PCNX1: variants seen among roughly 807,000 people sequenced by gnomAD.
PCNX1 encodes pecanex 1.
A neutral mutation model predicts 242.2 loss-of-function variants in PCNX1; 78 were observed. That is an observed-to-expected ratio of 0.32 (90% CI 0.27 to 0.39). The LOEUF is 0.39. Among genes scored for constraint, PCNX1 ranks in the 10% least tolerant of loss-of-function variants. The pLI, the probability that PCNX1 is intolerant of heterozygous loss-of-function variation, is 1.00. For missense variants in PCNX1, 2,581 were observed against 2,856.5 expected (o/e 0.90, Z 2.20); for synonymous variants, 1,024 against 1,032.9 (o/e 0.99, Z 0.17).
At chr14:70,910,940 C>G (rs1297514672) in intron 1 of PCNX1, among the ~76,000 whole-genome samples, 3 of 152,134 alleles carry the variant, frequency 2.0e-5, no homozygotes, top group Non-Finnish European at 4.4e-5. Context: ...GGACCCTGAT[C>G]TTATAGTCAG....
At position 71,103,916 on chromosome 14, in the gene PCNX1, C is replaced by G. The variant is rs186220019; in HGVS notation, c.6095+247C>G. ...ACTTGGTAGAATCTTGGAAAATTCC[C>G]TTTATTTGTTTAATTTTTTTAACTT... On this transcript the variant is annotated intron_variant, in intron 32 of 35. Transcript: ENST00000304743. Among the ~76,000 whole-genome samples the G allele has an allele frequency of 1.2e-3, 184 of 152,252 alleles. 1 individual carries two copies. The highest frequency in any genetic ancestry group is 3.4e-3 in the Middle Eastern group (1 of 294).
chr14:70,931,249 C>G (rs2056787888), intron 1 of PCNX1, among the ~76,000 whole-genome samples: 1 of 152,126 alleles, frequency 6.6e-6, no homozygotes, highest in African/African-American at 2.4e-5. Flanking sequence ...TAGAGGTGTT[C>G]CCAACTCCCC....
chr14:70,949,576 T>G (rs1187935726), intron 2 of PCNX1, among the ~76,000 whole-genome samples: 2 of 152,176 alleles, frequency 1.3e-5, no homozygotes, highest in African/African-American at 4.8e-5. Context: ...TTGTATATTC[T>G]TACCTTAGAA....
chr14:70,938,322 T>C (rs1448192341), intron 1 of PCNX1, among the ~76,000 whole-genome samples: 2 of 152,202 alleles, frequency 1.3e-5, no homozygotes, highest in African/African-American at 2.4e-5. Flanking sequence ...ACCTAATTTA[T>C]TGAGAGTTTT....
chr14:70,981,917 G>A (rs2058851340), intron 6 of PCNX1, among the ~76,000 whole-genome samples: 1 of 152,050 alleles, frequency 6.6e-6, no homozygotes, highest in African/African-American at 2.4e-5. Context: ...ACTATTCTTT[G>A]TGCTTTTTTT....
intron 30 of PCNX1, among the ~76,000 whole-genome samples, chr14:71,098,509 CGTGTGTGTGTGTGTGTGT>C (rs3221474): frequency 2.1e-4 from 27 of 128,688 alleles, no homozygotes; most frequent in East Asian, 4.8e-4. Context: ...TAGATGTATT[CGTGTGTGTGTGTGTGTGT>C]GTGTGTGTGT....
intron 7 of PCNX1, among the ~76,000 whole-genome samples, chr14:70,993,276 A>G (rs1443304715): frequency 1.3e-5 from 2 of 150,532 alleles, no homozygotes; most frequent in Non-Finnish European, 3.0e-5. Flanking sequence ...GCCCGCCACC[A>G]TGCCCGGCTA....
intron 1 of PCNX1, among the ~76,000 whole-genome samples, chr14:70,944,107 G>C (rs897345360): frequency 6.6e-6 from 1 of 152,250 alleles, no homozygotes; most frequent in Non-Finnish European, 1.5e-5. Context: ...ATCCCATGCA[G>C]AGTCCCCACT....
intron 30 of PCNX1, among the ~76,000 whole-genome samples, chr14:71,101,495 G>A (rs917611197): frequency 6.6e-6 from 1 of 152,174 alleles, no homozygotes; most frequent in Non-Finnish European, 1.5e-5. Context: ...TGTGCTCAGA[G>A]CTGCTAGCTT....
At chr14:70,908,684 C>G (rs1294160668) in intron 1 of PCNX1, among the ~76,000 whole-genome samples, 4 of 151,856 alleles carry the variant, frequency 2.6e-5, no homozygotes, top group Non-Finnish European at 5.9e-5. Context: ...GGCCGGTGGC[C>G]GTGGTGCTTC....
intron 8 of PCNX1, among the ~76,000 whole-genome samples, chr14:71,004,931 T>C (rs1204368287): frequency 6.6e-6 from 1 of 152,134 alleles, no homozygotes; most frequent in Non-Finnish European, 1.5e-5. Context: ...TTACTGCCCA[T>C]ATATCTCTCT....
In PCNX1 at chr14:70,907,971, T is replaced by C. The variant is rs770437588; in HGVS notation, c.121T>C (p.Phe41Leu). 2 of 1,598,112 alleles carry C rather than the reference T, an allele frequency of 1.3e-6. No homozygotes were observed. Among genetic ancestry groups the C allele is most frequent in the East Asian group, 2.4e-5 (1 of 42,110 alleles). Residue 41 changes from phenylalanine to leucine, a missense_variant, in exon 1 of 36, where the codon TTT becomes CTT. Phe to Leu is a conservative substitution (Grantham distance 22). This residue lies in a region of PCNX1 where 1,204 missense variants were observed against 1,216.7 expected (regional missense o/e 0.99). Transcript: ENST00000304743. ...CGCGCTGCACCTCTACCTGTGGCTC[T>C]TTCTGCTGGGCCTGCCCTTCACCCT... ...VNALHLYLWL[F>L]LLGLPFTLYM...
intron 6 of PCNX1, among the ~76,000 whole-genome samples, chr14:70,979,036 A>G (rs545352078): frequency 1.3e-5 from 2 of 152,306 alleles, no homozygotes; most frequent in East Asian, 1.9e-4. Flanking sequence ...CTTATACAGT[A>G]TATGACACTG....
Position 71,110,193 on chromosome 14 carries a change from G to A in PCNX1, c.*258G>A, listed in dbSNP as rs1451471680. On this transcript the variant is annotated 3_prime_UTR_variant, in exon 36 of 36. Coordinates refer to ENST00000304743, the MANE Select transcript of PCNX1 (RefSeq NM_014982.3). Reference sequence around the variant, plus strand: ...CATTTTGCATGAAGGATAAAGTTCTGTTAAAATACATCCTTAAAAAAAGTT... The same window carrying A: ...CATTTTGCATGAAGGATAAAGTTCTATTAAAATACATCCTTAAAAAAAGTT... 1.4e-5 allele frequency: 7 copies of A among 488,174 alleles called. No individual in the cohort carries two copies. Among genetic ancestry groups the A allele is most frequent in the East Asian group, 1.2e-4 (3 of 25,488 alleles). The allele number at this position is 488,174 out of a possible 1,614,324, so 30.2% of individuals were successfully genotyped here.
chr14:71,090,550 T>A (rs1558097), intron 30 of PCNX1, among the ~76,000 whole-genome samples: 84,366 of 152,064 alleles, frequency 0.55, 24,718 homozygotes, highest in East Asian at 0.74. Flanking sequence ...TTTGAGGATG[T>A]TGCCCTGGGG....
At chr14:71,012,689 C>T (rs978790185) in intron 10 of PCNX1, 34 of 331,000 alleles carry the variant, frequency 1.0e-4, no homozygotes, top group East Asian at 6.6e-4. Context: ...AAGAATTAGC[C>T]GGGCATGGTG....
intron 24 of PCNX1, among the ~76,000 whole-genome samples, chr14:71,052,614 A>G (rs1329447466): frequency 1.3e-5 from 2 of 152,198 alleles, no homozygotes; most frequent in Non-Finnish European, 2.9e-5. Flanking sequence ...CACATTAATA[A>G]TACTCTGCAA....
At chr14:71,070,495 T>C (rs141200994) in intron 26 of PCNX1, among the ~76,000 whole-genome samples, 113 of 152,368 alleles carry the variant, frequency 7.4e-4, no homozygotes, top group African/African-American at 2.6e-3. Context: ...TATTTCTTGA[T>C]GTACAGACTG....
chr14:70,982,657 T>G (rs577621589), intron 6 of PCNX1, among the ~76,000 whole-genome samples: 3 of 152,316 alleles, frequency 2.0e-5, no homozygotes, highest in Admixed American at 2.0e-4. Context: ...ATTATCTTCC[T>G]TTACAACAAT....
Sources: gnomAD v4.1 joint callset for allele counts (sites outside exome capture counted in the v4.1 genomes callset) on GRCh38, gnomAD v4.1.1 for gene constraint, gnomAD v4.1.1 regional missense constraint, MANE v1.5 for transcripts, NCBI Gene and HGNC (gene_info 2026-07-23, HGNC 2026-07-21) for gene names.